Variants in OC90 observed in about 807,000 individuals in gnomAD.
OC90 encodes otoconin 90.
A neutral mutation model predicts 47.3 loss-of-function variants in OC90; 46 were observed. That is an observed-to-expected ratio of 0.97 (90% CI 0.77 to 1.24). OC90 has a LOEUF of 1.24. OC90 is among the 50% of genes most tolerant of loss of function. The pLI, the probability that OC90 is intolerant of heterozygous loss-of-function variation, is 0.00. For synonymous variants in OC90, 271 were observed against 219.5 expected, an observed-to-expected ratio of 1.23 and a Z score of -2.07; for missense variants, 688 against 583.9, an observed-to-expected ratio of 1.18 and a Z score of -1.84.
chr8:132,052,810 C>A (rs1159310049), intron 2 of OC90, among the ~76,000 whole-genome samples: 2 of 152,202 alleles, frequency 1.3e-5, no homozygotes, highest in Non-Finnish European at 2.9e-5. Flanking sequence ...GCAGGCATCA[C>A]CTTGTCTGAT....
chr8:132,055,058 C>T lies in OC90; in HGVS notation c.-32G>A. Reference sequence around the variant, plus strand: ...AGAACAAAGGATGGGGCTTAGGCAGCAACTGGAACGGACTCCTGGGAGAGA... The same window carrying T: ...AGAACAAAGGATGGGGCTTAGGCAGTAACTGGAACGGACTCCTGGGAGAGA... On this transcript the variant is annotated 5_prime_UTR_variant, in exon 2 of 14. Coordinates refer to ENST00000254627, the MANE Select transcript of OC90 (RefSeq NM_001080399.3). 6.5e-7 allele frequency: 1 copy of T among 1,540,284 alleles called. No homozygotes were observed.
intron 4 of OC90, among the ~76,000 whole-genome samples, chr8:132,042,069 AGT>A (rs1823061838): frequency 6.6e-6 from 1 of 150,952 alleles, no homozygotes; most frequent in Admixed American, 6.6e-5. Flanking sequence ...AAAGTCTTTA[AGT>A]GTCTTCTGAG....
intron 2 of OC90, chr8:132,049,815 T>C (rs748766211): frequency 9.7e-6 from 5 of 517,502 alleles, no homozygotes; most frequent in Non-Finnish European, 1.9e-5. Context: ...CCTGTTGCCA[T>C]GGCCACGTGA....
intron 4 of OC90, among the ~76,000 whole-genome samples, chr8:132,043,640 T>C (rs1284734853): frequency 2.6e-5 from 4 of 152,222 alleles, no homozygotes; most frequent in Non-Finnish European, 5.9e-5. Flanking sequence ...TTCCACCTCA[T>C]ACTATTCACC....
In OC90 at chr8:132,029,265, C is replaced by A. The variant is rs561248101; in HGVS notation, c.1032-86G>T. 5.7e-5 allele frequency: 59 copies of A among 1,029,148 alleles called. No homozygotes were observed. In the Middle Eastern group the frequency reaches 8.2e-4, roughly 14 times the overall value. 63.8% of individuals were successfully genotyped at this position (1,029,148 alleles called of 1,614,324 possible). A position where few individuals can be genotyped will look rare whatever the true frequency, so the allele number is the denominator to read the frequency against. On this transcript the variant is annotated intron_variant, in intron 12 of 13. Coordinates refer to ENST00000254627, the MANE Select transcript of OC90 (RefSeq NM_001080399.3). ...AGCACAGCCTGCTTCTCCCACATACCCTATAGTAGTGAGGGAAGCCAGTGC... is the reference window on the plus strand; with the variant it reads ...AGCACAGCCTGCTTCTCCCACATACACTATAGTAGTGAGGGAAGCCAGTGC...
chr8:132,043,223 G>A (rs1344692787), intron 4 of OC90, among the ~76,000 whole-genome samples: 1 of 152,178 alleles, frequency 6.6e-6, no homozygotes, highest in Admixed American at 6.5e-5. Flanking sequence ...GCTTTCACTG[G>A]CACAGTAATT....
chr8:132,037,156 G>T (rs757141590), intron 9 of OC90, among the ~76,000 whole-genome samples: 3 of 152,212 alleles, frequency 2.0e-5, no homozygotes, highest in Admixed American at 6.5e-5. Flanking sequence ...CTGTGACAGA[G>T]ACCCTGTGGC....
At chr8:132,040,590 G>C (rs769625650) in intron 6 of OC90, among the ~76,000 whole-genome samples, 8 of 152,090 alleles carry the variant, frequency 5.3e-5, no homozygotes, top group African/African-American at 1.9e-4. Flanking sequence ...CCACCTCCAC[G>C]TCCATCTCTG....
Position 132,024,363 on chromosome 8 carries a change from G to T in OC90, c.*118C>A. On this transcript the variant is annotated 3_prime_UTR_variant, in exon 14 of 14. Transcript: ENST00000254627. ...GGCTCACGGCCTCTGTTCCCTCCCC[G>T]CCTCTGAGTTAAAGGAAGGGAAGAA... is the stretch of plus-strand genomic sequence containing the variant. 1.2e-6 allele frequency: 1 copy of T among 819,140 alleles called. No homozygotes were observed. Among genetic ancestry groups the T allele is most frequent in the South Asian group, 2.0e-5 (1 of 49,034 alleles). The allele number at this position is 819,140 out of a possible 1,614,324, so 50.7% of individuals were successfully genotyped here. A position where few individuals can be genotyped will look rare whatever the true frequency, so the allele number is the denominator to read the frequency against.
At chr8:132,047,728 G>A (rs903730537) in intron 2 of OC90, among the ~76,000 whole-genome samples, 1 of 152,092 alleles carries the variant, frequency 6.6e-6, no homozygotes, top group African/African-American at 2.4e-5. Flanking sequence ...GTAAAGTGCT[G>A]ACTAGAAAGA....
chr8:132,037,500 G>T lies in OC90; in HGVS notation c.629-12C>A. On this transcript the variant is annotated splice_polypyrimidine_tract_variant and intron_variant, in intron 8 of 13. Transcript: ENST00000254627. The stretch of plus-strand genomic sequence containing the variant: ...CTCCACAGGAACCACTGGAAAAAGA[G>T]AGTTCCCAATAGCAGTGACTCATGC... 1.9e-6 allele frequency: 3 copies of T among 1,572,242 alleles called. No homozygotes were observed. Among genetic ancestry groups the T allele is most frequent in the Non-Finnish European group, 2.6e-6 (3 of 1,157,604 alleles).
intron 2 of OC90, among the ~76,000 whole-genome samples, chr8:132,052,026 G>T (rs913435297): frequency 1.4e-5 from 2 of 145,496 alleles, no homozygotes; most frequent in Non-Finnish European, 3.1e-5. Flanking sequence ...AAAGGAGGGT[G>T]CTTTGCTTTG....
intron 9 of OC90, among the ~76,000 whole-genome samples, chr8:132,036,819 A>C (rs1822971841): frequency 6.6e-6 from 1 of 152,248 alleles, no homozygotes; most frequent in East Asian, 1.9e-4. Flanking sequence ...GGCTGTAGCA[A>C]TTATTCCATA....
chr8:132,051,061 A>G (rs1420443364), intron 2 of OC90, among the ~76,000 whole-genome samples: 1 of 152,170 alleles, frequency 6.6e-6, no homozygotes, highest in Admixed American at 6.5e-5. Context: ...AACAGTCTGC[A>G]TTTGTTTTTC....
intron 2 of OC90, among the ~76,000 whole-genome samples, chr8:132,051,741 G>C (rs1263268469): frequency 6.6e-6 from 1 of 152,146 alleles, no homozygotes; most frequent in African/African-American, 2.4e-5. Flanking sequence ...TGCAGGGATG[G>C]GCAGATAATG....
chr8:132,047,106 A>T (rs1164007285), intron 2 of OC90, among the ~76,000 whole-genome samples: 1 of 152,204 alleles, frequency 6.6e-6, no homozygotes, highest in Non-Finnish European at 1.5e-5. Flanking sequence ...GAGTTTCCAC[A>T]ACGCATAACT....
intron 12 of OC90, among the ~76,000 whole-genome samples, chr8:132,030,620 C>G (rs900339238): frequency 6.6e-6 from 1 of 152,206 alleles, no homozygotes; most frequent in Non-Finnish European, 1.5e-5. Context: ...TGGAGAGCAG[C>G]AGGCATGCGG....
At chr8:132,043,893 A>C (rs181137530) in intron 4 of OC90, among the ~76,000 whole-genome samples, 3 of 152,324 alleles carry the variant, frequency 2.0e-5, no homozygotes, top group Non-Finnish European at 4.4e-5. Context: ...TGTTCATGTC[A>C]ATCATATTAT....
At position 132,041,070 on chromosome 8, in the gene OC90, T is replaced by C. The variant is rs777359442; in HGVS notation, c.431A>G (p.Asn144Ser). The change falls in exon 6 of 14, where the codon AAT becomes AGT. Residue 144 changes from asparagine to serine, a missense_variant. By Grantham distance (46) the Asn-to-Ser change is conservative. Transcript: ENST00000254627. ...ACATATGATCTTCTTGCTGACACAA[T>C]TGACCTCTGTGCTAAGTTTGGCGGG... is the stretch of plus-strand genomic sequence containing the variant. ...QDPAKLSTEV[N>S]CVSKKIICES... The C allele has an allele frequency of 1.1e-5, 18 of 1,610,234 alleles. No homozygotes were observed. The South Asian group carries it at 1.5e-4, about 14-fold the overall frequency.
Sources: allele counts gnomAD v4.1 joint callset (sites outside exome capture counted in the v4.1 genomes callset), GRCh38; gene constraint gnomAD v4.1.1; transcripts MANE v1.5; gene names NCBI Gene and HGNC (gene_info 2026-07-23, HGNC 2026-07-21).